CCSER1: variants seen among roughly 807,000 people sequenced by gnomAD.
The protein encoded by CCSER1 is serine-rich coiled-coil domain-containing protein 1.
Under a neutral mutation model 82.0 loss-of-function variants are expected in CCSER1, and 41 were observed. The ratio of observed to expected loss-of-function variants is 0.50; its 90% CI spans 0.39 to 0.65. The LOEUF is 0.65. CCSER1 is among the 30% of genes least tolerant of loss of function. The probability of loss-of-function intolerance (pLI) is 0.00; values close to 1 mark genes in which losing one functional copy is unlikely to be tolerated. For missense variants in CCSER1, 1,119 were observed against 1,064.2 expected, an observed-to-expected ratio of 1.05 and a Z score of -0.72; for synonymous variants, 414 against 383.9, an observed-to-expected ratio of 1.08 and a Z score of -0.92.
intron 8 of CCSER1, among the ~76,000 whole-genome samples, chr4:90,915,295 C>T (rs1479418857): frequency 6.6e-6 from 1 of 152,184 alleles, no homozygotes; most frequent in Non-Finnish European, 1.5e-5. Context: ...AATCCAGCAA[C>T]ACATCAAAAA....
intron 4 of CCSER1, among the ~76,000 whole-genome samples, chr4:90,447,550 G>A (rs1760826633): frequency 6.6e-6 from 1 of 152,142 alleles, no homozygotes; most frequent in Non-Finnish European, 1.5e-5. Flanking sequence ...AATAAATTGT[G>A]TTGTTTATTT....
chr4:90,958,262 C>T (rs10050020), intron 9 of CCSER1, among the ~76,000 whole-genome samples: 3,918 of 152,200 alleles, frequency 0.026, 151 homozygotes, highest in African/African-American at 0.085. Context: ...TGAGTTTCTA[C>T]TATACCAACT....
chr4:91,249,356 G>A (rs1457543186), intron 10 of CCSER1, among the ~76,000 whole-genome samples: 1 of 151,920 alleles, frequency 6.6e-6, no homozygotes, highest in South Asian at 2.1e-4. Context: ...TACGAGAGAT[G>A]TGACTACAAA....
chr4:90,294,171 G>T (rs1731431736), intron 1 of CCSER1, among the ~76,000 whole-genome samples: 1 of 151,984 alleles, frequency 6.6e-6, no homozygotes, highest in African/African-American at 2.4e-5. Context: ...CACTTGGATT[G>T]AAAATCTATA....
chr4:90,761,607 A>G (rs1031754899), intron 7 of CCSER1, among the ~76,000 whole-genome samples: 3 of 152,190 alleles, frequency 2.0e-5, no homozygotes, highest in South Asian at 2.1e-4. Flanking sequence ...TAACACAGCA[A>G]TGCACTGATT....
intron 9 of CCSER1, among the ~76,000 whole-genome samples, chr4:91,052,276 A>G (rs1429092656): frequency 2.0e-5 from 3 of 152,096 alleles, no homozygotes; most frequent in East Asian, 1.9e-4. Context: ...GTTTATGTCT[A>G]CAGGCTGAGT....
chr4:90,903,491 A>C (rs1238472594), intron 8 of CCSER1, among the ~76,000 whole-genome samples: 1 of 152,074 alleles, frequency 6.6e-6, no homozygotes, highest in Non-Finnish European at 1.5e-5. Flanking sequence ...AAACAGACTA[A>C]TATACATATC....
At chr4:91,228,538 G>T (rs1282432286) in intron 10 of CCSER1, among the ~76,000 whole-genome samples, 3 of 151,916 alleles carry the variant, frequency 2.0e-5, no homozygotes, top group Non-Finnish European at 4.4e-5. Context: ...TTCTATTAGT[G>T]TTATATTTCC....
At chr4:90,377,612 T>A (rs1251026733) in intron 3 of CCSER1, among the ~76,000 whole-genome samples, 1 of 152,092 alleles carries the variant, frequency 6.6e-6, no homozygotes, top group Non-Finnish European at 1.5e-5. Context: ...AGAGATTCAA[T>A]TAAACAAAAT....
At chr4:90,399,909 C>A in intron 3 of CCSER1, 127 bp from the exon 4 acceptor site, 1 of 511,032 alleles carries the variant, frequency 2.0e-6, no homozygotes, top group South Asian at 3.6e-5. Flanking sequence ...CAAATGATTT[C>A]TGAGACTCAG....
At chr4:90,442,549 T>C (rs1760045225) in intron 4 of CCSER1, among the ~76,000 whole-genome samples, 2 of 152,284 alleles carry the variant, frequency 1.3e-5, no homozygotes, top group South Asian at 2.1e-4. Context: ...ATTAAGTGTT[T>C]TGGAGAAAAT....
At chr4:90,274,265 T>A (rs962127392) in intron 1 of CCSER1, among the ~76,000 whole-genome samples, 1 of 152,134 alleles carries the variant, frequency 6.6e-6, no homozygotes, top group African/African-American at 2.4e-5. Context: ...TAGTGGTAGA[T>A]TCATGTCATC....
rs1735123071 is a variant in CCSER1 at position 90,310,604 on chromosome 4, G to C, written c.1324+996G>C. Among the ~76,000 whole-genome samples, 3 of 152,000 alleles carry C rather than the reference G, an allele frequency of 2.0e-5. 1 individual carries two copies. Among genetic ancestry groups the C allele is most frequent in the Admixed American group, 2.0e-4 (3 of 15,254 alleles). ...ACAAAACTAATAATTCATTTATTGG[G>C]ATATAAATCCTATGAGGTAGGCTCC... On this transcript the variant is annotated intron_variant, in intron 2 of 10. Transcript: ENST00000509176.
chr4:90,586,591 G>A (rs1002045153), intron 5 of CCSER1, among the ~76,000 whole-genome samples: 2 of 152,150 alleles, frequency 1.3e-5, no homozygotes, highest in Non-Finnish European at 2.9e-5. Flanking sequence ...ATGCATAATT[G>A]CTTAATATCC....
chr4:90,636,286 T>G (rs1461373958), intron 6 of CCSER1, among the ~76,000 whole-genome samples: 3 of 151,928 alleles, frequency 2.0e-5, no homozygotes, highest in African/African-American at 7.2e-5. Context: ...ACTAAATTAA[T>G]GTATTTTATT....
intron 5 of CCSER1, among the ~76,000 whole-genome samples, chr4:90,483,562 G>T (rs1426691532): frequency 6.6e-6 from 1 of 152,174 alleles, no homozygotes; most frequent in Non-Finnish European, 1.5e-5. Flanking sequence ...TTTCAGGGCA[G>T]GCCTGGTGGT....
At chr4:90,209,774 T>G (rs946828528) in intron 1 of CCSER1, among the ~76,000 whole-genome samples, 113 of 152,028 alleles carry the variant, frequency 7.4e-4, no homozygotes, top group Non-Finnish European at 1.4e-3. Context: ...CTAGTGTTTT[T>G]TTTTTTTTTT....
chr4:90,858,062 C>T (rs1764663658), intron 8 of CCSER1, among the ~76,000 whole-genome samples: 1 of 151,980 alleles, frequency 6.6e-6, no homozygotes, highest in African/African-American at 2.4e-5. Context: ...CCATTTCCCA[C>T]ATCTAAATGC....
At chr4:91,042,238 G>A (rs1742021837) in intron 9 of CCSER1, among the ~76,000 whole-genome samples, 1 of 152,130 alleles carries the variant, frequency 6.6e-6, no homozygotes, top group South Asian at 2.1e-4. Context: ...TTCTCACGAG[G>A]TCTGTTGGCT....
Sources: gnomAD v4.1 joint callset for allele counts (sites outside exome capture counted in the v4.1 genomes callset) on GRCh38, gnomAD v4.1.1 for gene constraint, MANE v1.5 for transcripts, NCBI Gene and HGNC (gene_info 2026-07-23, HGNC 2026-07-21) for gene names.